MYO18B: variants seen among roughly 807,000 people sequenced by gnomAD.
MYO18B encodes myosin XVIIIB, also known as unconventional myosin-XVIIIb.
MYO18B carries 204 observed loss-of-function variants against 273.0 expected under a neutral mutation model. The ratio of observed to expected loss-of-function variants is 0.75; its 90% CI spans 0.67 to 0.84. The LOEUF (loss-of-function observed/expected upper bound fraction) is 0.84. Among genes scored for constraint, MYO18B ranks in the 40% least tolerant of loss-of-function variants. The pLI is 0.00. For synonymous variants in MYO18B, 1,330 were observed against 1,305.7 expected (o/e 1.02, Z -0.40); for missense variants, 3,212 against 3,287.6 (o/e 0.98, Z 0.56).
At chr22:25,933,266 G>A (rs1410963731) in intron 34 of MYO18B, among the ~76,000 whole-genome samples, 1 of 152,142 alleles carries the variant, frequency 6.6e-6, no homozygotes, top group Admixed American at 6.5e-5. Context: ...CAGACCAAAA[G>A]GGATGAGCTT....
At chr22:25,859,532 A>G (rs1158317172) in intron 21 of MYO18B, among the ~76,000 whole-genome samples, 5 of 152,096 alleles carry the variant, frequency 3.3e-5, no homozygotes, top group Non-Finnish European at 5.9e-5. Flanking sequence ...ATCCTTATCA[A>G]TACTTGGAAT....
chr22:25,934,590 A>G (rs2092553087), intron 34 of MYO18B, among the ~76,000 whole-genome samples: 1 of 152,152 alleles, frequency 6.6e-6, no homozygotes, highest in Non-Finnish European at 1.5e-5. Flanking sequence ...TTGGTTTTAT[A>G]CATTTTAGGG....
intron 42 of MYO18B, 108 bp from the exon 43 acceptor site, chr22:26,026,337 T>C: frequency 7.7e-7 from 1 of 1,300,634 alleles, no homozygotes; most frequent in South Asian, 1.5e-5. Context: ...GGATGGTATT[T>C]CCAAAGAAAA....
chr22:25,903,581 G>C (rs368000141), intron 30 of MYO18B, 50 bp from the exon 31 acceptor site: 1 of 1,530,822 alleles, frequency 6.5e-7, no homozygotes, highest in East Asian at 2.4e-5. Flanking sequence ...TGGGGGAGGA[G>C]GGAGGCATAC....
chr22:25,777,369 A>G (rs1367054046), intron 7 of MYO18B, among the ~76,000 whole-genome samples: 3 of 152,204 alleles, frequency 2.0e-5, no homozygotes, highest in Admixed American at 2.0e-4. Flanking sequence ...GAAAACAGGC[A>G]TGGGTTGTCC....
chr22:25,995,623 G>A (rs531989107), intron 40 of MYO18B, among the ~76,000 whole-genome samples: 105 of 152,238 alleles, frequency 6.9e-4, no homozygotes, highest in African/African-American at 2.4e-3. Context: ...ATGAGATCCC[G>A]GTGGTGAGGT....
At chr22:25,786,571 C>A (rs1468815653) in intron 11 of MYO18B, among the ~76,000 whole-genome samples, 1 of 151,176 alleles carries the variant, frequency 6.6e-6, no homozygotes, top group Non-Finnish European at 1.5e-5. Context: ...TGCAAAACTT[C>A]AAACCACAAA....
At chr22:25,966,611 C>T (rs1012069658) in intron 39 of MYO18B, among the ~76,000 whole-genome samples, 5 of 152,154 alleles carry the variant, frequency 3.3e-5, no homozygotes, top group Admixed American at 6.5e-5. Context: ...CGCTTATAAA[C>T]TCTGTGTTCA....
chr22:25,842,200 G>T (rs2090102939), intron 17 of MYO18B, among the ~76,000 whole-genome samples: 2 of 152,236 alleles, frequency 1.3e-5, no homozygotes, highest in Non-Finnish European at 2.9e-5. Flanking sequence ...AGAGTTCCAA[G>T]AAATGCAGGT....
intron 12 of MYO18B, among the ~76,000 whole-genome samples, chr22:25,802,551 C>T (rs893416232): frequency 1.3e-5 from 2 of 151,850 alleles, no homozygotes; most frequent in Non-Finnish European, 2.9e-5. Flanking sequence ...GAGATCGAGA[C>T]CATCCTGGCT....
intron 28 of MYO18B, chr22:25,896,793 A>C (rs2091814614): frequency 1.3e-5 from 2 of 152,158 alleles, no homozygotes; most frequent in African/African-American, 4.8e-5. Flanking sequence ...AGCACTTGCC[A>C]ATTTCCCTGG....
rs899567577 is a variant in MYO18B at position 25,789,018 on chromosome 22, CCTT to C, written c.2376+3540_2376+3542del. 1.6e-3 allele frequency among the ~76,000 whole-genome samples: 238 copies of C among 151,850 alleles called. 1 individual carries two copies. The highest frequency in any genetic ancestry group is 5.3e-3 in the African/African-American group (219 of 41,440). The stretch of plus-strand genomic sequence containing the variant: ...AGTGCCTGACACTTCCAATGTCAGC[CCTT>C]CTTCTTCTTCTTTCTTCCTTCTTTC... On this transcript the variant is annotated intron_variant, in intron 11 of 43. Coordinates refer to ENST00000335473, the MANE Select transcript of MYO18B (RefSeq NM_032608.7).
the MYO18B span, among the ~76,000 whole-genome samples, chr22:26,063,529 G>A: frequency 1.3e-5 from 2 of 152,236 alleles, no homozygotes; most frequent in Middle Eastern, 6.8e-3. Context: ...GGGCAGTCAG[G>A]GCTTGAATGT....
At chr22:25,798,335 T>A (rs1447978578) in intron 12 of MYO18B, among the ~76,000 whole-genome samples, 2 of 152,222 alleles carry the variant, frequency 1.3e-5, no homozygotes, top group African/African-American at 4.8e-5. Flanking sequence ...TGATGGAGAT[T>A]ACTGCGGTTC....
At position 25,843,886 on chromosome 22, in the gene MYO18B, G is replaced by T. The variant is rs1475288492; in HGVS notation, c.3360G>T (p.Gln1120His). ...TGGATGCACCCCAGGTCCTGCACCA[G>T]TCAAAAAGGTGAGTTGGGTCAGGGT... ...SALDAPQVLH[Q>H]SKREELRSLF... Residue 1120 changes from glutamine to histidine, a missense_variant, in exon 18 of 44, where the codon CAG becomes CAT. Gln to His is a conservative substitution (Grantham distance 24). Coordinates refer to ENST00000335473, the MANE Select transcript of MYO18B (RefSeq NM_032608.7). The T allele has an allele frequency of 6.2e-7, 1 of 1,601,474 alleles. No homozygotes were observed. The highest frequency in any genetic ancestry group is 2.2e-5 in the East Asian group (1 of 44,618).
In MYO18B at chr22:25,839,580, G is replaced by C. The variant is rs574996995; in HGVS notation, c.3208+4137G>C. On this transcript the variant is annotated intron_variant, in intron 17 of 43. Transcript: ENST00000335473. ...GGGAGGTGACTGAGTCCTTGCTGAG[G>C]TCCAGTGGCTTCCCAGGGCCCTATA... is the stretch of plus-strand genomic sequence containing the variant. 8.5e-5 allele frequency among the ~76,000 whole-genome samples: 13 copies of C among 152,322 alleles called. No individual in the cohort carries two copies. The South Asian group carries it at 2.5e-3, about 29-fold the overall frequency.
intron 39 of MYO18B, among the ~76,000 whole-genome samples, chr22:25,991,748 A>G (rs1470516712): frequency 1.3e-5 from 2 of 152,162 alleles, no homozygotes; most frequent in Non-Finnish European, 2.9e-5. Flanking sequence ...CCTGTGAGGC[A>G]TGAGTGAGAT....
At chr22:25,915,953 A>C (rs572291647) in intron 33 of MYO18B, among the ~76,000 whole-genome samples, 1 of 152,194 alleles carries the variant, frequency 6.6e-6, no homozygotes, top group Non-Finnish European at 1.5e-5. Flanking sequence ...TGGATCATGC[A>C]GTTCTTGCAG....
At chr22:25,885,654 G>A (rs959188452) in intron 25 of MYO18B, among the ~76,000 whole-genome samples, 5 of 152,162 alleles carry the variant, frequency 3.3e-5, no homozygotes, top group Non-Finnish European at 4.4e-5. Context: ...AATCACATTC[G>A]AGGTTTGGAC....
Sources: allele counts gnomAD v4.1 joint callset (sites outside exome capture counted in the v4.1 genomes callset), GRCh38; gene constraint gnomAD v4.1.1; transcripts MANE v1.5; gene names NCBI Gene and HGNC (gene_info 2026-07-23, HGNC 2026-07-21).